Variants in CREB1 observed in about 807,000 individuals in gnomAD.
CREB1 encodes the protein cyclic AMP-responsive element-binding protein 1.
In CREB1, 2 loss-of-function variants were observed where a neutral mutation model predicts 42.0. That is an observed-to-expected ratio of 0.05 (90% confidence interval 0.02 to 0.15). The LOEUF (loss-of-function observed/expected upper bound fraction) is 0.15, where lower values mean the gene tolerates loss of function less well. Ranked by LOEUF, CREB1 falls within the 10% of genes least tolerant of loss-of-function variation. The pLI is 1.00. For synonymous variants in CREB1, 123 were observed against 139.9 expected, an observed-to-expected ratio of 0.88 and a Z score of 0.85; for missense variants, 199 against 388.9, an observed-to-expected ratio of 0.51 and a Z score of 4.11.
intron 7 of CREB1, among the ~76,000 whole-genome samples, chr2:207,583,845 C>G (rs1286608231): frequency 6.6e-6 from 1 of 152,134 alleles, no homozygotes; most frequent in Non-Finnish European, 1.5e-5. Flanking sequence ...GTCAGCTTCC[C>G]CCACGCCCTG....
intron 1 of CREB1, among the ~76,000 whole-genome samples, chr2:207,535,993 T>G (rs1022199307): frequency 3.3e-5 from 5 of 151,834 alleles, no homozygotes; most frequent in African/African-American, 1.2e-4. Flanking sequence ...GCTAATTTTT[T>G]GTAGAGACAG....
At chr2:207,593,722 T>C (rs970773187) in intron 7 of CREB1, among the ~76,000 whole-genome samples, 13 of 145,470 alleles carry the variant, frequency 8.9e-5, no homozygotes, top group African/African-American at 3.3e-4. Flanking sequence ...TCACAAACTT[T>C]TTTTTTTTTT....
At chr2:207,530,432 CG>C (rs1287044310) in intron 1 of CREB1, among the ~76,000 whole-genome samples, 1 of 142,018 alleles carries the variant, frequency 7.0e-6, no homozygotes, top group Non-Finnish European at 1.5e-5. Context: ...AGCCGGCGGC[CG>C]GGGGTGTGTG....
At position 207,603,323 on chromosome 2, in the gene CREB1, T is replaced by C. The variant is rs1015038829; in HGVS notation, c.*6265T>C. ...GTGATCCTTGTGAATTTGTGAAATA[T>C]TGTCATAAAGTGCTTTTTCTTACTG... On this transcript the variant is annotated 3_prime_UTR_variant, in exon 8 of 8. Coordinates refer to ENST00000353267, the MANE Select transcript of CREB1 (RefSeq NM_004379.5). The C allele has an allele frequency of 1.3e-4, 28 of 223,828 alleles. No individual in the cohort carries two copies. Among genetic ancestry groups the C allele is most frequent in the African/African-American group, 5.8e-4 (26 of 44,840 alleles). 13.9% of individuals were successfully genotyped at this position (223,828 alleles called of 1,614,324 possible). A position where few individuals can be genotyped will look rare whatever the true frequency, so the allele number is the denominator to read the frequency against.
At chr2:207,580,846 C>G (rs1574900066) in intron 7 of CREB1, 1 of 220,408 alleles carries the variant, frequency 4.5e-6, no homozygotes, top group East Asian at 6.6e-5. Context: ...GTCTAGGATC[C>G]TGGGCTAGAT....
chr2:207,561,045 GA>G (rs35728983), intron 3 of CREB1: 27 of 1,366,074 alleles, frequency 2.0e-5, no homozygotes, highest in East Asian at 2.3e-5. Context: ...TGAGCTTATT[GA>G]AAAAAAAGAC....
At position 207,603,669 on chromosome 2, in the gene CREB1, T is replaced by A. The variant is rs897987237; in HGVS notation, c.*6611T>A. On this transcript the variant is annotated 3_prime_UTR_variant, in exon 8 of 8. Coordinates refer to ENST00000353267, the MANE Select transcript of CREB1 (RefSeq NM_004379.5). ...CTATTTGTGGATTTGGAGATGTTACTGTCAAGATGACTAATGGAGACATAC... is the reference window on the plus strand; with the variant it reads ...CTATTTGTGGATTTGGAGATGTTACAGTCAAGATGACTAATGGAGACATAC... Among the ~76,000 whole-genome samples the A allele has an allele frequency of 7.9e-5, 12 of 152,184 alleles. No individual in the cohort carries two copies. The highest frequency in any genetic ancestry group is 1.5e-4 in the Non-Finnish European group (10 of 68,028).
At position 207,600,727 on chromosome 2, in the gene CREB1, G is replaced by C. The variant is rs1157739809; in HGVS notation, c.*3669G>C. 1 of 211,970 alleles carries C rather than the reference G, an allele frequency of 4.7e-6. No homozygotes were observed. Among genetic ancestry groups the C allele is most frequent in the African/African-American group, 2.3e-5 (1 of 44,144 alleles). 13.1% of individuals were successfully genotyped at this position (211,970 alleles called of 1,614,324 possible). A position where few individuals can be genotyped will look rare whatever the true frequency, so the allele number is the denominator to read the frequency against. On this transcript the variant is annotated 3_prime_UTR_variant, in exon 8 of 8. Transcript: ENST00000353267. ...GCTAGTCTCTGAAAGCACAATACCA[G>C]TCAGGCAGCCTATCCCATCAGATGT... is the stretch of plus-strand genomic sequence containing the variant.
chr2:207,530,276 C>G (rs1382090069), intron 1 of CREB1, 142 bp downstream of exon 1: 1 of 152,092 alleles, frequency 6.6e-6, no homozygotes, highest in Admixed American at 6.5e-5. Context: ...GCCCGAGCCC[C>G]ACAACATCGC....
intron 7 of CREB1, among the ~76,000 whole-genome samples, chr2:207,595,490 G>A (rs1300370106): frequency 6.6e-6 from 1 of 151,658 alleles, no homozygotes; most frequent in Non-Finnish European, 1.5e-5. Flanking sequence ...GCATGATCAT[G>A]GCTCACTGCA....
At chr2:207,530,415 G>C (rs1367296554) in intron 1 of CREB1, among the ~76,000 whole-genome samples, 3 of 146,090 alleles carry the variant, frequency 2.1e-5, no homozygotes, top group African/African-American at 7.4e-5. Flanking sequence ...GCGGCGGGCG[G>C]GGTGGGAGCC....
Position 207,597,202 on chromosome 2 carries a change from C to A in CREB1, c.*144C>A. The A allele has an allele frequency of 1.1e-6, 1 of 873,512 alleles. No individual in the cohort carries two copies. Among genetic ancestry groups the A allele is most frequent in the Non-Finnish European group, 1.6e-6 (1 of 607,358 alleles). The allele number at this position is 873,512 out of a possible 1,614,324, so 54.1% of individuals were successfully genotyped here. ...CTGAAAGCAACTACAGAATTTCATT[C>A]ATTTGTGCTTTTGCATTAAACTGTG... On this transcript the variant is annotated 3_prime_UTR_variant, in exon 8 of 8. Coordinates refer to ENST00000353267, the MANE Select transcript of CREB1 (RefSeq NM_004379.5).
intron 1 of CREB1, among the ~76,000 whole-genome samples, chr2:207,533,314 T>G (rs1258331599): frequency 6.6e-6 from 1 of 152,094 alleles, no homozygotes; most frequent in Non-Finnish European, 1.5e-5. Context: ...CTTGATTAGG[T>G]CTCATTATTA....
chr2:207,577,749 T>G, intron 7 of CREB1, 94 bp downstream of exon 7: 1 of 1,486,564 alleles, frequency 6.7e-7, no homozygotes, highest in Non-Finnish European at 9.2e-7. Flanking sequence ...TAATAGGATC[T>G]TTGCATTGAA....
At chr2:207,533,360 TTCTC>T (rs896842511) in intron 1 of CREB1, among the ~76,000 whole-genome samples, 4 of 152,150 alleles carry the variant, frequency 2.6e-5, no homozygotes, top group East Asian at 1.9e-4. Context: ...GTAGCTTTAT[TTCTC>T]TCTCATTCTA....
rs529956275 is a variant in CREB1, at chr2:207,545,085, G to A, written c.-8-10543G>A. Among the ~76,000 whole-genome samples, 23 of 152,270 alleles carry A rather than the reference G, an allele frequency of 1.5e-4. No individual in the cohort carries two copies. In the East Asian group the frequency reaches 4.2e-3, roughly 28 times the overall value. On this transcript the variant is annotated intron_variant, in intron 1 of 7. Transcript: ENST00000353267. The stretch of plus-strand genomic sequence containing the variant: ...ATTCCTTTGGGTATATATCCAGTAA[G>A]GGGATTGCTGGGTCAAATGGTATTT...
At position 207,562,771 on chromosome 2, in the gene CREB1, A is replaced by T. The variant is rs2082003884; in HGVS notation, c.261+2399A>T. On this transcript the variant is annotated intron_variant, in intron 3 of 7. Transcript: ENST00000353267. ...ATCAAACAAGGAGAGGATCTTCTAG[A>T]TGGGAGACCTCATTAATATTCCAGA... 2.0e-5 allele frequency among the ~76,000 whole-genome samples: 3 copies of T among 152,320 alleles called. No homozygotes were observed. The South Asian group carries it at 6.2e-4, about 32-fold the overall frequency.
rs189145626 is a variant in CREB1, at chr2:207,536,032, C to A, written c.-9+5898C>A. Among the ~76,000 whole-genome samples, 33 of 152,048 alleles carry A rather than the reference C, an allele frequency of 2.2e-4. 1 individual carries two copies. The East Asian group carries it at 3.7e-3, about 17-fold the overall frequency. ...TTCGCCATGTTGCCCAGGCTGGTCT[C>A]AAACTCATGAGCTCAAGCCATCCAC... On this transcript the variant is annotated intron_variant, in intron 1 of 7. Transcript: ENST00000353267.
At chr2:207,564,226 G>A (rs1044807941) in intron 3 of CREB1, among the ~76,000 whole-genome samples, 1 of 152,070 alleles carries the variant, frequency 6.6e-6, no homozygotes. Flanking sequence ...GATCCAATGA[G>A]TAAAACACTG....
Sources: allele counts gnomAD v4.1 joint callset (sites outside exome capture counted in the v4.1 genomes callset), GRCh38; gene constraint gnomAD v4.1.1; transcripts MANE v1.5; gene names NCBI Gene and HGNC (gene_info 2026-07-23, HGNC 2026-07-21).